The following COMMD1 variants were observed in gnomAD, a reference collection of about 807,000 sequenced individuals.
COMMD1 encodes copper metabolism domain containing 1, also known as COMM domain-containing protein 1.
Under a neutral mutation model 17.2 loss-of-function variants are expected in COMMD1, and 10 were observed. The ratio of observed to expected loss-of-function variants is 0.58; its 90% CI spans 0.36 to 0.99. The LOEUF (loss-of-function observed/expected upper bound fraction) is 0.99. Among genes scored for constraint, COMMD1 ranks in the 50% least tolerant of loss-of-function variants. The pLI, the probability that COMMD1 is intolerant of heterozygous loss-of-function variation, is 0.01. For synonymous variants in COMMD1, 97 were observed against 91.6 expected, an observed-to-expected ratio of 1.06 and a Z score of -0.34; for missense variants, 270 against 231.8, an observed-to-expected ratio of 1.17 and a Z score of -1.07.
chr2:61,957,156 C>CCCAAGAA (rs2103684698), intron 1 of COMMD1, among the ~76,000 whole-genome samples: 1 of 151,590 alleles, frequency 6.6e-6, no homozygotes, highest in East Asian at 1.9e-4. Context: ...TCGCTTGTTG[C>CCCAAGAA]CCAAGAATGC....
At chr2:62,055,683 C>G (rs1198004635) in intron 2 of COMMD1, among the ~76,000 whole-genome samples, 2 of 152,236 alleles carry the variant, frequency 1.3e-5, no homozygotes, top group Non-Finnish European at 2.9e-5. Context: ...TAGTAGCTAA[C>G]CACATTGCTA....
intron 1 of COMMD1, among the ~76,000 whole-genome samples, chr2:61,948,625 TTCTTG>T (rs1260948266): frequency 1.3e-5 from 2 of 152,232 alleles, no homozygotes; most frequent in Non-Finnish European, 2.9e-5. Context: ...TAAGAGTCTG[TTCTTG>T]TCTTTGCCTC....
chr2:61,961,445 G>C (rs780309625), intron 1 of COMMD1, among the ~76,000 whole-genome samples: 1 of 152,196 alleles, frequency 6.6e-6, no homozygotes, highest in Non-Finnish European at 1.5e-5. Flanking sequence ...CTGTGGGCTG[G>C]GGCTTGTCTA....
At chr2:62,021,948 C>T (rs547880617) in intron 2 of COMMD1, among the ~76,000 whole-genome samples, 11 of 152,018 alleles carry the variant, frequency 7.2e-5, no homozygotes, top group South Asian at 2.1e-4. Flanking sequence ...TTCACTTTCT[C>T]GATAATGCTC....
intron 1 of COMMD1, among the ~76,000 whole-genome samples, chr2:61,950,968 A>T (rs139622564): frequency 1.3e-5 from 2 of 152,302 alleles, no homozygotes; most frequent in Non-Finnish European, 2.9e-5. Context: ...ATAAGGAGGA[A>T]CTATTGTTTA....
chr2:62,047,643 T>C (rs912897336), intron 2 of COMMD1, among the ~76,000 whole-genome samples: 7 of 151,978 alleles, frequency 4.6e-5, no homozygotes, highest in Non-Finnish European at 2.9e-5. Context: ...TTAGGAGAGA[T>C]GGGGTTTCAC....
At chr2:61,940,959 A>G (rs1214508689) in intron 1 of COMMD1, among the ~76,000 whole-genome samples, 1 of 151,674 alleles carries the variant, frequency 6.6e-6, no homozygotes, top group Non-Finnish European at 1.5e-5. Flanking sequence ...AAGTGCTGAG[A>G]TTACAGGCGT....
intron 2 of COMMD1, among the ~76,000 whole-genome samples, chr2:62,071,659 A>G (rs1204455087): frequency 1.3e-5 from 2 of 152,192 alleles, no homozygotes; most frequent in African/African-American, 4.8e-5. Context: ...AAAAATAATT[A>G]TAAAAATAAA....
At chr2:62,053,340 G>T (rs534427408) in intron 2 of COMMD1, among the ~76,000 whole-genome samples, 2 of 152,032 alleles carry the variant, frequency 1.3e-5, no homozygotes, top group African/African-American at 4.8e-5. Context: ...TTTATTTGTG[G>T]GGTTTTTTTA....
intron 1 of COMMD1, among the ~76,000 whole-genome samples, chr2:61,980,513 T>C (rs1478956494): frequency 5.8e-5 from 7 of 120,830 alleles, no homozygotes; most frequent in South Asian, 3.0e-4. Context: ...TGATGAGCAT[T>C]TCTTCATGTG....
intron 2 of COMMD1, among the ~76,000 whole-genome samples, chr2:62,053,169 G>T (rs1163518580): frequency 6.6e-6 from 1 of 152,116 alleles, no homozygotes; most frequent in East Asian, 1.9e-4. Flanking sequence ...TAAAATGTGA[G>T]TCACAAAATA....
At chr2:62,076,697 A>G (rs1671345361) in intron 2 of COMMD1, among the ~76,000 whole-genome samples, 1 of 151,878 alleles carries the variant, frequency 6.6e-6, no homozygotes, top group Non-Finnish European at 1.5e-5. Context: ...CAGTGAGCCG[A>G]GATCACACCA....
intron 1 of COMMD1, among the ~76,000 whole-genome samples, chr2:61,991,724 A>C (rs906510757): frequency 2.0e-5 from 3 of 152,162 alleles, no homozygotes; most frequent in South Asian, 2.1e-4. Flanking sequence ...CACATAGAAG[A>C]AGCATCATAT....
chr2:61,890,150 A>G (rs1417090982), intron 1 of COMMD1, among the ~76,000 whole-genome samples: 1 of 152,212 alleles, frequency 6.6e-6, no homozygotes, highest in Non-Finnish European at 1.5e-5. Flanking sequence ...TGCGTGTGGT[A>G]GGTTCAGAAA....
intron 2 of COMMD1, among the ~76,000 whole-genome samples, chr2:62,038,427 T>C (rs1670099594): frequency 6.6e-6 from 1 of 152,268 alleles, no homozygotes; most frequent in Non-Finnish European, 1.5e-5. Context: ...CTTTGAATTT[T>C]GTTGTAGAAT....
chr2:61,986,564 C>CTTTTTTTT (rs70946773), intron 1 of COMMD1, among the ~76,000 whole-genome samples: 3 of 94,554 alleles, frequency 3.2e-5, no homozygotes, highest in Non-Finnish European at 6.6e-5. Flanking sequence ...AGGCATCATT[C>CTTTTTTTT]TTTTTTTTTT....
chr2:62,098,162 C>CTTTTT (rs1212972398), intron 2 of COMMD1, among the ~76,000 whole-genome samples: 31 of 125,842 alleles, frequency 2.5e-4, no homozygotes, highest in Admixed American at 1.1e-3. Flanking sequence ...TCCTTTCTTT[C>CTTTTT]TTTTTTTTTT....
intron 2 of COMMD1, among the ~76,000 whole-genome samples, chr2:62,045,204 C>T (rs1670345517): frequency 6.6e-6 from 1 of 152,006 alleles, no homozygotes; most frequent in Admixed American, 6.5e-5. Context: ...GAAAAACTGT[C>T]CTTACGTGCT....
intron 1 of COMMD1, among the ~76,000 whole-genome samples, chr2:61,931,818 A>G (rs1231640463): frequency 6.6e-6 from 1 of 152,190 alleles, no homozygotes; most frequent in Non-Finnish European, 1.5e-5. Context: ...TTGGTTGACA[A>G]TTGGGTAAAA....
Sources: gnomAD v4.1 joint callset for allele counts (sites outside exome capture counted in the v4.1 genomes callset) on GRCh38, gnomAD v4.1.1 for gene constraint, MANE v1.5 for transcripts, NCBI Gene and HGNC (gene_info 2026-07-23, HGNC 2026-07-21) for gene names.